Variants in UTRN observed in about 807,000 individuals in gnomAD.
The protein encoded by UTRN is dystrophin-related protein 1.
A neutral mutation model predicts 463.9 loss-of-function variants in UTRN; 283 were observed. The ratio of observed to expected loss-of-function variants is 0.61; its 90% confidence interval spans 0.55 to 0.67. The LOEUF (loss-of-function observed/expected upper bound fraction) is 0.67. UTRN is among the 30% of genes least tolerant of loss of function. The probability of loss-of-function intolerance (pLI) is 0.00; values close to 1 mark genes in which losing one functional copy is unlikely to be tolerated. For missense variants in UTRN, 3,922 were observed against 4,084.3 expected, an observed-to-expected ratio of 0.96 and a Z score of 1.08; for synonymous variants, 1,442 against 1,431.5, an observed-to-expected ratio of 1.01 and a Z score of -0.17.
At chr6:144,463,537 A>G (rs1789618108) in intron 23 of UTRN, among the ~76,000 whole-genome samples, 1 of 151,898 alleles carries the variant, frequency 6.6e-6, no homozygotes, top group Non-Finnish European at 1.5e-5. Flanking sequence ...TTTTAATAGG[A>G]AAGTTCTGGG....
At chr6:144,684,049 CTT>C (rs751258844) in intron 52 of UTRN, among the ~76,000 whole-genome samples, 17 of 137,244 alleles carry the variant, frequency 1.2e-4, no homozygotes, top group Admixed American at 1.5e-4. Context: ...TGTCCCTTTA[CTT>C]TTTTTTTTTT....
At chr6:144,562,184 A>G (rs1042913358) in intron 50 of UTRN, among the ~76,000 whole-genome samples, 4 of 152,142 alleles carry the variant, frequency 2.6e-5, no homozygotes, top group Middle Eastern at 3.2e-3. Context: ...AAAAGACACA[A>G]TTATTTATTT....
chr6:144,612,360 TG>T (rs1303363238), intron 51 of UTRN, among the ~76,000 whole-genome samples: 1 of 151,830 alleles, frequency 6.6e-6, no homozygotes, highest in Non-Finnish European at 1.5e-5. Flanking sequence ...AATAGGCAAA[TG>T]GGATTGAATC....
At chr6:144,705,400 A>G (rs1177651617) in intron 53 of UTRN, among the ~76,000 whole-genome samples, 1 of 152,218 alleles carries the variant, frequency 6.6e-6, no homozygotes, top group Non-Finnish European at 1.5e-5. Context: ...TGGGTGGCTT[A>G]TAAACAATAG....
chr6:144,438,714 G>T lies in UTRN; in HGVS notation c.1242-31G>T, dbSNP rs374438412. On this transcript the variant is annotated intron_variant, in intron 11 of 74. Coordinates refer to ENST00000367545, the MANE Select transcript of UTRN (RefSeq NM_007124.3). ...TTGACTTTGCAAAGGGAAAAGGCTT[G>T]TAGGAATAATGCTGTGTTCCCCACG... 3 of 1,612,080 alleles carry T rather than the reference G, an allele frequency of 1.9e-6. No individual in the cohort carries two copies. The South Asian group carries it at 3.3e-5, about 18-fold the overall frequency.
chr6:144,521,631 T>C (rs551123730), intron 39 of UTRN, among the ~76,000 whole-genome samples: 1 of 152,292 alleles, frequency 6.6e-6, no homozygotes, highest in African/African-American at 2.4e-5. Flanking sequence ...TTTTATTTCA[T>C]ACAAAACTTT....
chr6:144,546,604 C>A (rs1798427701), intron 46 of UTRN, among the ~76,000 whole-genome samples: 1 of 151,898 alleles, frequency 6.6e-6, no homozygotes, highest in South Asian at 2.1e-4. Flanking sequence ...AGTTTGAGAC[C>A]AGCCTGGGTA....
At chr6:144,744,740 CCT>C (rs1790522304) in intron 54 of UTRN, among the ~76,000 whole-genome samples, 1 of 151,892 alleles carries the variant, frequency 6.6e-6, no homozygotes, top group East Asian at 1.9e-4. Flanking sequence ...CCTGCTGTTT[CCT>C]CTGTCTCTAG....
chr6:144,732,655 CATGTTATGTTATGTT>C (rs57770911), intron 54 of UTRN, among the ~76,000 whole-genome samples: 2,106 of 126,310 alleles, frequency 0.017, 19 homozygotes, highest in South Asian at 0.035. Context: ...CATTTTATGT[CATGTTATGTTATGTT>C]ATGTTATGTT....
intron 51 of UTRN, among the ~76,000 whole-genome samples, chr6:144,578,169 C>T (rs1801625061): frequency 6.6e-6 from 1 of 152,154 alleles, no homozygotes; most frequent in Admixed American, 6.5e-5. Context: ...CACTACTACA[C>T]TTCATTCTAG....
rs1554339291 is a variant in UTRN at position 144,690,074 on chromosome 6, G to GTTTTTTTTTTTTTTTTTTTTTTT, written c.7653-9991_7653-9990insTTTTTTTTTTTTTTTTTTTTTTT. 6.4e-5 allele frequency among the ~76,000 whole-genome samples: 2 copies of GTTTTTTTTTTTTTTTTTTTTTTT among 31,280 alleles called. 1 individual carries two copies. Among genetic ancestry groups the GTTTTTTTTTTTTTTTTTTTTTTT allele is most frequent in the Non-Finnish European group, 1.0e-4 (2 of 20,074 alleles). The allele number at this position is 31,280 out of a possible 152,430, so 20.5% of individuals were successfully genotyped here. ...GGCCATAGAGCTCCCAAAAGTTTCT[G>GTTTTTTTTTTTTTTTTTTTTTTT]TTTTTTTTTTTTTTTTTTTTTTGTG... On this transcript the variant is annotated intron_variant, in intron 52 of 74. Transcript: ENST00000367545.
At chr6:144,816,064 A>G (rs768831383) in intron 65 of UTRN, among the ~76,000 whole-genome samples, 13 of 152,308 alleles carry the variant, frequency 8.5e-5, no homozygotes, top group Admixed American at 2.0e-4. Context: ...AGTCTGCTGC[A>G]TTATCTGGAT....
intron 51 of UTRN, among the ~76,000 whole-genome samples, chr6:144,629,164 C>G (rs555170278): frequency 1.3e-5 from 2 of 152,096 alleles, no homozygotes; most frequent in East Asian, 3.9e-4. Flanking sequence ...TAATATCATG[C>G]GTGAGCAAAG....
intron 40 of UTRN, among the ~76,000 whole-genome samples, 154 bp from the exon 41 acceptor site, chr6:144,522,862 T>A (rs1471981151): frequency 2.0e-5 from 3 of 148,720 alleles, no homozygotes; most frequent in Admixed American, 6.7e-5. Context: ...GAGTATCATT[T>A]AAAAAAAAAA....
intron 23 of UTRN, among the ~76,000 whole-genome samples, chr6:144,466,398 A>G (rs1789965824): frequency 6.6e-6 from 1 of 152,120 alleles, no homozygotes; most frequent in Non-Finnish European, 1.5e-5. Flanking sequence ...CTTTGTCTCC[A>G]TAGCTGGTTC....
At chr6:144,755,137 A>C (rs1438814290) in intron 57 of UTRN, among the ~76,000 whole-genome samples, 2 of 152,296 alleles carry the variant, frequency 1.3e-5, no homozygotes, top group East Asian at 3.9e-4. Context: ...TTTATCTTTT[A>C]AGGTTTTAAA....
chr6:144,702,610 G>C (rs929172515), intron 53 of UTRN, among the ~76,000 whole-genome samples: 2 of 152,156 alleles, frequency 1.3e-5, no homozygotes, highest in Non-Finnish European at 2.9e-5. Flanking sequence ...TATAGGCCAA[G>C]GTGCTATTTT....
intron 2 of UTRN, among the ~76,000 whole-genome samples, chr6:144,387,921 GCAGA>G (rs1483924120): frequency 2.0e-5 from 3 of 152,124 alleles, no homozygotes; most frequent in African/African-American, 7.2e-5. Flanking sequence ...AGACAGACCC[GCAGA>G]CAGACAGACC....
chr6:144,751,707 T>C, intron 55 of UTRN, 99 bp from the exon 56 acceptor site: 1 of 1,201,922 alleles, frequency 8.3e-7, no homozygotes, highest in South Asian at 1.9e-5. Flanking sequence ...TGTGCATATG[T>C]GAACCCATGC....
Sources: gnomAD v4.1 joint callset for allele counts (sites outside exome capture counted in the v4.1 genomes callset) on GRCh38, gnomAD v4.1.1 for gene constraint, MANE v1.5 for transcripts, NCBI Gene and HGNC (gene_info 2026-07-23, HGNC 2026-07-21) for gene names.